The following COL6A3 variants were observed in gnomAD, a reference collection of about 807,000 sequenced individuals.
The protein encoded by COL6A3 is collagen type VI alpha 3 chain.
A neutral mutation model predicts 274.1 loss-of-function variants in COL6A3; 137 were observed. The observed-to-expected ratio is 0.50, with a 90% CI of 0.44 to 0.58. The LOEUF (loss-of-function observed/expected upper bound fraction) is 0.58, where lower values mean the gene tolerates loss of function less well. Ranked by LOEUF, COL6A3 falls within the 20% of genes least tolerant of loss-of-function variation. The pLI, the probability that COL6A3 is intolerant of heterozygous loss-of-function variation, is 0.00. For synonymous variants in COL6A3, 1,650 were observed against 1,650.6 expected (o/e 1.00, Z 0.01); for missense variants, 3,950 against 4,124.9 (o/e 0.96, Z 1.16).
chr2:237,379,020 G>T lies in COL6A3; in HGVS notation c.2113C>A (p.His705Asn), dbSNP rs1392934038. 6.2e-7 allele frequency: 1 copy of T among 1,614,200 alleles called. No homozygotes were observed. Among genetic ancestry groups the T allele is most frequent in the Admixed American group, 1.7e-5 (1 of 60,032 alleles). Residue 705 changes from histidine (H) to asparagine (N), a missense_variant, in exon 6 of 44, where the codon CAT becomes AAT. Physicochemically the swap from His to Asn is moderately conservative, Grantham distance 68. Transcript: ENST00000295550. The part of the protein sequence containing the change: ...TYQTKSDILG[H>N]LRQLQLQGGS... ...CCCTGGAGCTGCAGCTGCCTCAGAT[G>T]ACCAAGGATATCTGACTTGGTCTGG...
chr2:237,346,456 A>G (rs1399509270), intron 32 of COL6A3, 47 bp downstream of exon 32: 1 of 1,556,140 alleles, frequency 6.4e-7, no homozygotes, highest in African/African-American at 1.4e-5. Context: ...ACCACGTGTA[A>G]AGCACCCAGC....
At chr2:237,396,992 G>A in intron 1 of COL6A3, 145 bp from the exon 2 acceptor site, 1 of 639,580 alleles carries the variant, frequency 1.6e-6, no homozygotes. Flanking sequence ...GCAGCAAAAG[G>A]ATGGATGATA....
rs1159667244 is a variant in COL6A3, at chr2:237,366,172, G to C, written c.5501-137C>G. 7 of 755,158 alleles carry C rather than the reference G, an allele frequency of 9.3e-6. No individual in the cohort carries two copies. The East Asian group carries it at 1.9e-4, about 20-fold the overall frequency. The allele number at this position is 755,158 out of a possible 1,614,324, so 46.8% of individuals were successfully genotyped here. A position where few individuals can be genotyped will look rare whatever the true frequency, so the allele number is the denominator to read the frequency against. ...GTGCAAAATGAGATCCTGTGTGTGT[G>C]AGCTTTGAGAAGCAATTCTATCCAC... is the stretch of plus-strand genomic sequence containing the variant. On this transcript the variant is annotated intron_variant, in intron 11 of 43. Coordinates refer to ENST00000295550, the MANE Select transcript of COL6A3 (RefSeq NM_004369.4).
In COL6A3 at chr2:237,379,216, A is replaced by T. The variant is rs1417897731; in HGVS notation, c.1917T>A (p.Asp639Glu). The change falls in exon 6 of 44, where the codon GAT becomes GAA. Residue 639 changes from aspartate to glutamate, a missense_variant. By Grantham distance (45) the Asp-to-Glu change is conservative. Transcript: ENST00000295550. ...GTPEVHSNKRDIIFLLDGSAN... is the reference protein window; with the variant it reads ...GTPEVHSNKREIIFLLDGSAN... ...CTGATCCATCCAAAAGAAAGATGAT[A>T]TCCCTTTTGTTTGAGTGAACTGCAG... is the stretch of plus-strand genomic sequence containing the variant. The T allele has an allele frequency of 6.2e-7, 1 of 1,614,204 alleles. No individual in the cohort carries two copies. The highest frequency in any genetic ancestry group is 1.3e-5 in the African/African-American group (1 of 75,064).
chr2:237,392,977 T>G (rs2078330893), intron 3 of COL6A3, among the ~76,000 whole-genome samples: 2 of 152,146 alleles, frequency 1.3e-5, no homozygotes, highest in Admixed American at 1.3e-4. Context: ...CTCAGCTGTC[T>G]CCAGGACTCT....
intron 4 of COL6A3, 84 bp downstream of exon 4, chr2:237,387,498 C>T (rs1184404169): frequency 6.2e-7 from 1 of 1,604,056 alleles, no homozygotes; most frequent in Non-Finnish European, 8.5e-7. Context: ...CGTGGCGAAT[C>T]ATGCTGGTAC....
intron 3 of COL6A3, among the ~76,000 whole-genome samples, chr2:237,394,025 A>C (rs1039768477): frequency 1.3e-5 from 2 of 152,214 alleles, no homozygotes; most frequent in Admixed American, 1.3e-4. Flanking sequence ...GTCACTAACC[A>C]TTCAGGACTA....
chr2:237,408,149 G>A (rs1394055553), intron 1 of COL6A3, among the ~76,000 whole-genome samples: 1 of 152,112 alleles, frequency 6.6e-6, no homozygotes, highest in East Asian at 1.9e-4. Context: ...AATCATTCTT[G>A]AAAACAGAAA....
intron 3 of COL6A3, among the ~76,000 whole-genome samples, chr2:237,390,336 C>T (rs868264377): frequency 3.3e-5 from 5 of 152,308 alleles, no homozygotes; most frequent in Middle Eastern, 3.4e-3. Context: ...CATAGAAACA[C>T]GTTGGATAAT....
In COL6A3 at chr2:237,370,028, T is replaced by A. The variant is rs577207487; in HGVS notation, c.4286-851A>T. 4.7e-4 allele frequency among the ~76,000 whole-genome samples: 70 copies of A among 150,212 alleles called. 1 individual carries two copies. The highest frequency in any genetic ancestry group is 1.7e-3 in the African/African-American group (68 of 40,994). ...TTTATTTTTTAAATTTCATTAAAATTTTTTTTTTTAATTTTTTGGATGAGG... is the reference window on the plus strand; with the variant it reads ...TTTATTTTTTAAATTTCATTAAAATATTTTTTTTTAATTTTTTGGATGAGG... On this transcript the variant is annotated intron_variant, in intron 9 of 43. Coordinates refer to ENST00000295550, the MANE Select transcript of COL6A3 (RefSeq NM_004369.4).
intron 26 of COL6A3, among the ~76,000 whole-genome samples, chr2:237,352,138 A>G (rs142506047): frequency 1.3e-5 from 2 of 152,330 alleles, no homozygotes; most frequent in African/African-American, 4.8e-5. Flanking sequence ...TGAGGCACTC[A>G]CTATACAAAA....
chr2:237,413,181 C>A lies in COL6A3; in HGVS notation c.-31+772G>T, dbSNP rs2078899100. Among the ~76,000 whole-genome samples the A allele has an allele frequency of 6.6e-6, 1 of 152,222 alleles. No homozygotes were observed. The highest frequency in any genetic ancestry group is 2.4e-5 in the African/African-American group (1 of 41,460). On this transcript the variant is annotated intron_variant, in intron 1 of 43. Transcript: ENST00000295550. This position sits in a 1 kb window ranked among gnomAD's most constrained non-coding sequence, Gnocchi z 4.0. ...TCGGGGCCTCCCAGCTCGGCACTGG[C>A]CTCACCTCTGTGCAGCATGGGCTGG... is the stretch of plus-strand genomic sequence containing the variant.
At chr2:237,333,979 TG>T (rs887954092) in intron 41 of COL6A3, among the ~76,000 whole-genome samples, 11 of 151,684 alleles carry the variant, frequency 7.3e-5, no homozygotes, top group Non-Finnish European at 1.6e-4. Flanking sequence ...CCTGGAGCAG[TG>T]GGGGTCAAGA....
At chr2:237,352,247 A>T (rs1411009790) in intron 26 of COL6A3, among the ~76,000 whole-genome samples, 1 of 152,182 alleles carries the variant, frequency 6.6e-6, no homozygotes, top group African/African-American at 2.4e-5. Flanking sequence ...TTCCATCCTG[A>T]GGCATATCCC....
Position 237,365,046 on chromosome 2 carries a change from A to C in COL6A3, c.5839-618T>G, listed in dbSNP as rs117342180. On this transcript the variant is annotated intron_variant, in intron 12 of 43. Transcript: ENST00000295550. ...ACTGTATTTGGAGATAGGGTCTTTA[A>C]AGAGGTAATTAAGGTTAATGAGATC... 5.1e-3 allele frequency among the ~76,000 whole-genome samples: 762 copies of C among 150,650 alleles called. 17 individuals carry two copies. The highest frequency in any genetic ancestry group is 0.04 in the East Asian group (207 of 5,144).
chr2:237,357,053 T>G, intron 23 of COL6A3: 1 of 520,526 alleles, frequency 1.9e-6, no homozygotes, highest in Admixed American at 3.2e-5. Flanking sequence ...CTTAAATATT[T>G]AGTTGGATCA....
At chr2:237,393,281 A>G (rs1314406348) in intron 3 of COL6A3, among the ~76,000 whole-genome samples, 1 of 152,198 alleles carries the variant, frequency 6.6e-6, no homozygotes, top group African/African-American at 2.4e-5. Context: ...TCTGATAGCA[A>G]CTGGATGCCA....
intron 28 of COL6A3, among the ~76,000 whole-genome samples, chr2:237,349,145 C>T (rs1386470234): frequency 6.6e-6 from 1 of 151,800 alleles, no homozygotes; most frequent in Admixed American, 6.6e-5. Context: ...AGACCCCCTC[C>T]TTTCCAACAC....
rs1253758301 is a variant in COL6A3 at position 237,366,958 on chromosome 2, G to C, written c.5229C>G (p.Val1743=). ...CCGTGATCACAAAGGCAATCTGAGG[G>C]ACCCGCTGGTCCAGGCGGCTGCCTG... ...PEAGSRLDQR[V]PQIAFVITGG... The change falls in exon 11 of 44, where the codon GTC becomes GTG. Residue 1743 remains valine, a synonymous_variant. Coordinates refer to ENST00000295550, the MANE Select transcript of COL6A3 (RefSeq NM_004369.4). 1 of 1,614,242 alleles carries C rather than the reference G, an allele frequency of 6.2e-7. No homozygotes were observed.
Sources: gnomAD v4.1 joint callset for allele counts (sites outside exome capture counted in the v4.1 genomes callset) on GRCh38, gnomAD v4.1.1 for gene constraint, Gnocchi (gnomAD v3.1) non-coding constraint, MANE v1.5 for transcripts, NCBI Gene and HGNC (gene_info 2026-07-23, HGNC 2026-07-21) for gene names.